The following KCNMA1 variants were observed in gnomAD, a reference collection of about 807,000 sequenced individuals.
KCNMA1 encodes the protein Calcium-activated potassium channel subunit alpha-1.
KCNMA1 carries 29 observed loss-of-function variants against 140.0 expected under a neutral mutation model. The ratio of observed to expected loss-of-function variants is 0.21; its 90% CI spans 0.15 to 0.28. KCNMA1 has a LOEUF of 0.28. Among genes scored for constraint, KCNMA1 ranks in the 10% least tolerant of loss-of-function variants. KCNMA1 has a pLI of 1.00. For missense variants in KCNMA1, 880 were observed against 1,602.2 expected (o/e 0.55, Z 7.70); for synonymous variants, 612 against 611.9 (o/e 1.00, Z 0.00).
At chr10:77,233,054 T>C (rs1381347810) in intron 3 of KCNMA1, among the ~76,000 whole-genome samples, 2 of 152,130 alleles carry the variant, frequency 1.3e-5, no homozygotes, top group Admixed American at 1.3e-4. Flanking sequence ...ACCTGGCTAA[T>C]GTTTAAAAAA....
chr10:77,356,333 T>G (rs1386178865), intron 2 of KCNMA1, among the ~76,000 whole-genome samples: 1 of 152,248 alleles, frequency 6.6e-6, no homozygotes, highest in Non-Finnish European at 1.5e-5. Flanking sequence ...AAAATGTGTT[T>G]AATTATAGTA....
intron 3 of KCNMA1, among the ~76,000 whole-genome samples, chr10:77,192,000 C>T (rs536981368): frequency 3.9e-5 from 6 of 152,104 alleles, no homozygotes; most frequent in African/African-American, 1.2e-4. Context: ...TGGAGCATAC[C>T]GGAAAGTAGT....
rs555343031 is a variant in KCNMA1, at chr10:77,285,386, A to T, written c.541-34130T>A. On this transcript the variant is annotated intron_variant, in intron 2 of 27. Coordinates refer to ENST00000286628, the MANE Select transcript of KCNMA1 (RefSeq NM_001161352.2). ...CCAAATCCAAAAGCTTTGGCAATCCAAACTTTGAGAGAAAGAATAATAAAA... is the reference window on the plus strand; with the variant it reads ...CCAAATCCAAAAGCTTTGGCAATCCTAACTTTGAGAGAAAGAATAATAAAA... 4.6e-5 allele frequency among the ~76,000 whole-genome samples: 7 copies of T among 152,338 alleles called. No individual in the cohort carries two copies. In the South Asian group the frequency reaches 1.5e-3, roughly 32 times the overall value.
At chr10:77,148,993 G>C (rs1449444769) in intron 5 of KCNMA1, among the ~76,000 whole-genome samples, 1 of 152,170 alleles carries the variant, frequency 6.6e-6, no homozygotes, top group African/African-American at 2.4e-5. Context: ...CTAATATCAT[G>C]CTATTTTTAT....
chr10:77,011,647 C>G (rs1426109186), intron 18 of KCNMA1, among the ~76,000 whole-genome samples: 1 of 152,180 alleles, frequency 6.6e-6, no homozygotes, highest in Admixed American at 6.5e-5. Flanking sequence ...TGCTCTGTGG[C>G]TTTAGTTCTC....
intron 24 of KCNMA1, chr10:76,913,038 A>G (rs2051019078): frequency 6.6e-6 from 1 of 152,210 alleles, no homozygotes. Context: ...AGTGGTGGAC[A>G]ATTTATTCCT....
intron 9 of KCNMA1, among the ~76,000 whole-genome samples, chr10:77,102,665 C>A (rs1184357616): frequency 6.6e-6 from 1 of 152,146 alleles, no homozygotes; most frequent in Non-Finnish European, 1.5e-5. Context: ...GCTCCCCCAG[C>A]TTAGTGGGTA....
intron 2 of KCNMA1, among the ~76,000 whole-genome samples, chr10:77,306,250 A>T (rs779251071): frequency 1.3e-5 from 2 of 152,214 alleles, no homozygotes; most frequent in African/African-American, 4.8e-5. Flanking sequence ...GAAAGAGGAG[A>T]CAGACACTAA....
Position 76,949,304 on chromosome 10 carries a change from G to C in KCNMA1, c.2547C>G (p.Asp849Glu). 1 of 1,614,124 alleles carries C rather than the reference G, an allele frequency of 6.2e-7. No individual in the cohort carries two copies. Among genetic ancestry groups the C allele is most frequent in the Non-Finnish European group, 8.5e-7 (1 of 1,180,034 alleles). The part of the protein sequence containing the change: ...SGHVVVCIFG[D>E]VSSALIGLRN... ...GGAGGCCGATCAGGGCTGAGCTGAC[G>C]TCGCCAAAGATGCAGACCACGACAT... Residue 849 changes from aspartate (D) to glutamate (E), a missense_variant, in exon 22 of 28, where the codon GAC becomes GAG. By Grantham distance (45) the Asp-to-Glu change is conservative (BLOSUM62 2). Around this residue, in one of 13 missense-constraint regions of KCNMA1, gnomAD observed 82 missense variants for 170.1 expected, o/e 0.48. Coordinates refer to ENST00000286628, the MANE Select transcript of KCNMA1 (RefSeq NM_001161352.2).
intron 3 of KCNMA1, among the ~76,000 whole-genome samples, chr10:77,211,605 G>A (rs2046102755): frequency 6.6e-6 from 1 of 151,954 alleles, no homozygotes; most frequent in Non-Finnish European, 1.5e-5. Flanking sequence ...TTGACAAGTG[G>A]GACCTAATTA....
At chr10:77,000,242 G>C (rs2085776420) in intron 19 of KCNMA1, among the ~76,000 whole-genome samples, 1 of 152,216 alleles carries the variant, frequency 6.6e-6, no homozygotes. Context: ...AGGAAGTGCA[G>C]AAACGAGAAC....
intron 2 of KCNMA1, among the ~76,000 whole-genome samples, chr10:77,344,994 T>C (rs2091866517): frequency 6.6e-6 from 1 of 152,176 alleles, no homozygotes; most frequent in Non-Finnish European, 1.5e-5. Flanking sequence ...ATTATTCCCA[T>C]GTTACAAATG....
At chr10:76,921,847 T>C (rs1355173934) in intron 23 of KCNMA1, among the ~76,000 whole-genome samples, 1 of 152,206 alleles carries the variant, frequency 6.6e-6, no homozygotes. Context: ...TTTAACCTTG[T>C]AATATTTTTT....
intron 1 of KCNMA1, among the ~76,000 whole-genome samples, chr10:77,510,995 G>C (rs1281406806): frequency 6.6e-6 from 1 of 152,176 alleles, no homozygotes; most frequent in Non-Finnish European, 1.5e-5. Flanking sequence ...CTCCTCATCC[G>C]ACCTGAAACC....
intron 1 of KCNMA1, among the ~76,000 whole-genome samples, chr10:77,537,078 A>G (rs2059061674): frequency 6.6e-6 from 1 of 152,176 alleles, no homozygotes; most frequent in Admixed American, 6.5e-5. Flanking sequence ...TTCCAGAGAT[A>G]GCCCTAAACA....
intron 5 of KCNMA1, among the ~76,000 whole-genome samples, chr10:77,172,706 A>C (rs1034030311): frequency 2.6e-4 from 39 of 151,874 alleles, no homozygotes; most frequent in African/African-American, 8.0e-4. Flanking sequence ...AAAAAACAAA[A>C]AAAAAAAAGC....
intron 1 of KCNMA1, among the ~76,000 whole-genome samples, chr10:77,421,497 G>A (rs751287926): frequency 6.6e-6 from 1 of 152,164 alleles, no homozygotes; most frequent in Non-Finnish European, 1.5e-5. Flanking sequence ...TTTAGCATAT[G>A]GTCTCTGTTG....
At chr10:77,378,921 C>A (rs1742244589) in intron 2 of KCNMA1, among the ~76,000 whole-genome samples, 1 of 152,156 alleles carries the variant, frequency 6.6e-6, no homozygotes, top group Admixed American at 6.5e-5. Flanking sequence ...TTCACCCCAT[C>A]CTCTGATTCA....
chr10:77,043,898 G>C (rs572759648), intron 14 of KCNMA1, among the ~76,000 whole-genome samples: 1 of 152,302 alleles, frequency 6.6e-6, no homozygotes, highest in East Asian at 1.9e-4. Context: ...AAGATAAAAA[G>C]AGTTCCGGAA....
Sources: allele counts gnomAD v4.1 joint callset (sites outside exome capture counted in the v4.1 genomes callset), GRCh38; gene constraint gnomAD v4.1.1; regional missense constraint gnomAD v4.1.1; transcripts MANE v1.5; gene names NCBI Gene and HGNC (gene_info 2026-07-23, HGNC 2026-07-21).